The following ATRNL1 variants were observed in gnomAD, a reference collection of about 807,000 sequenced individuals.
ATRNL1 encodes attractin like 1, also known as attractin-like protein 1.
Under a neutral mutation model 182.7 loss-of-function variants are expected in ATRNL1, and 95 were observed. The observed-to-expected ratio is 0.52, with a 90% CI of 0.44 to 0.62. The LOEUF (loss-of-function observed/expected upper bound fraction) is 0.62. ATRNL1 is among the 20% of genes least tolerant of loss of function. The pLI, the probability that ATRNL1 is intolerant of heterozygous loss-of-function variation, is 0.00. For missense variants in ATRNL1, 1,471 were observed against 1,679.5 expected, an observed-to-expected ratio of 0.88 and a Z score of 2.17; for synonymous variants, 576 against 568.3, an observed-to-expected ratio of 1.01 and a Z score of -0.19.
chr10:115,139,284 T>G (rs1554877438), intron 5 of ATRNL1, among the ~76,000 whole-genome samples: 2 of 152,210 alleles, frequency 1.3e-5, no homozygotes, highest in East Asian at 3.8e-4. Context: ...CAAAGTCACT[T>G]CTACATTTTC....
chr10:115,782,205 A>C (rs1158455743), intron 27 of ATRNL1, among the ~76,000 whole-genome samples: 1 of 152,190 alleles, frequency 6.6e-6, no homozygotes, highest in African/African-American at 2.4e-5. Context: ...AACATTCTTC[A>C]ATCTGAATCA....
At chr10:115,797,440 A>C (rs752845241) in intron 27 of ATRNL1, among the ~76,000 whole-genome samples, 4 of 152,108 alleles carry the variant, frequency 2.6e-5, no homozygotes, top group African/African-American at 4.8e-5. Context: ...CTGAAGGCTC[A>C]CCTGGGGCAG....
chr10:115,368,571 C>G (rs1340030816), intron 19 of ATRNL1, among the ~76,000 whole-genome samples: 2 of 151,942 alleles, frequency 1.3e-5, no homozygotes, highest in Non-Finnish European at 2.9e-5. Context: ...GCTACAGTCA[C>G]CATGGCTGTA....
intron 26 of ATRNL1, among the ~76,000 whole-genome samples, chr10:115,669,629 A>G (rs1182439670): frequency 6.6e-6 from 1 of 152,160 alleles, no homozygotes; most frequent in African/African-American, 2.4e-5. Flanking sequence ...CCAACAAAGC[A>G]TTGCTTTGTA....
chr10:115,348,783 C>A (rs1399434739), intron 19 of ATRNL1, among the ~76,000 whole-genome samples: 1 of 152,026 alleles, frequency 6.6e-6, no homozygotes, highest in African/African-American at 2.4e-5. Context: ...ATTGAAGAAT[C>A]TGGTCTTGGA....
chr10:115,547,901 A>C (rs1852759282), intron 25 of ATRNL1, among the ~76,000 whole-genome samples: 1 of 152,228 alleles, frequency 6.6e-6, no homozygotes, highest in Non-Finnish European at 1.5e-5. Context: ...CTATGTTAAA[A>C]AATCACTTGT....
rs568320481 is a variant in ATRNL1, at chr10:115,828,116, G to A, written c.3904-19761G>A. 1.1e-4 allele frequency among the ~76,000 whole-genome samples: 16 copies of A among 152,206 alleles called. No homozygotes were observed. In the South Asian group the frequency reaches 2.9e-3, roughly 28 times the overall value. Reference sequence around the variant, plus strand: ...GCGGATCACCTGAGGTCTGGAGTTCGATACCAGCCTGACCAACATGGAGAA... The same window carrying A: ...GCGGATCACCTGAGGTCTGGAGTTCAATACCAGCCTGACCAACATGGAGAA... On this transcript the variant is annotated intron_variant, in intron 27 of 28. Coordinates refer to ENST00000355044, the MANE Select transcript of ATRNL1 (RefSeq NM_207303.4).
chr10:115,614,399 G>C (rs1857325618), intron 26 of ATRNL1, among the ~76,000 whole-genome samples: 1 of 152,010 alleles, frequency 6.6e-6, no homozygotes, highest in South Asian at 2.1e-4. Flanking sequence ...ATGTGATTTT[G>C]ATTTTTGATT....
intron 26 of ATRNL1, among the ~76,000 whole-genome samples, chr10:115,644,399 C>T (rs575517915): frequency 2.0e-5 from 3 of 152,090 alleles, no homozygotes; most frequent in Non-Finnish European, 4.4e-5. Flanking sequence ...TTAGTTCTCA[C>T]GACAATATTG....
intron 19 of ATRNL1, among the ~76,000 whole-genome samples, chr10:115,341,705 T>C (rs1554938389): frequency 6.6e-6 from 1 of 152,150 alleles, no homozygotes. Flanking sequence ...TTGTTGGGTG[T>C]ATACATATGT....
In ATRNL1 at chr10:115,948,060, GGTCA is replaced by G. The variant is rs1179785568; in HGVS notation, c.*3282_*3285del. The G allele has an allele frequency of 1.3e-5, 2 of 152,090 alleles. No individual in the cohort carries two copies. The highest frequency in any genetic ancestry group is 4.2e-4 in the South Asian group (2 of 4,818). 9.4% of individuals were successfully genotyped at this position (152,090 alleles called of 1,614,324 possible). ...CATCCATCTTTTGGTCGTAGGTAAAGGTCAATCAGGTTTTTCAAAAAGACTCCCT... is the reference window on the plus strand; with the variant it reads ...CATCCATCTTTTGGTCGTAGGTAAAGATCAGGTTTTTCAAAAAGACTCCCT... On this transcript the variant is annotated 3_prime_UTR_variant, in exon 29 of 29. Transcript: ENST00000355044.
intron 26 of ATRNL1, among the ~76,000 whole-genome samples, chr10:115,713,701 CT>C (rs1384171107): frequency 2.8e-4 from 14 of 50,102 alleles, no homozygotes; most frequent in African/African-American, 4.6e-4. Context: ...ATCTATCTAT[CT>C]ATCATCTATC....
At chr10:115,630,794 T>A (rs1239455591) in intron 26 of ATRNL1, among the ~76,000 whole-genome samples, 2 of 146,034 alleles carry the variant, frequency 1.4e-5, no homozygotes, top group African/African-American at 5.0e-5. Flanking sequence ...GTATTGTACA[T>A]CTATATTTAA....
At chr10:115,399,614 G>C (rs1487879501) in intron 20 of ATRNL1, among the ~76,000 whole-genome samples, 24 of 151,738 alleles carry the variant, frequency 1.6e-4, no homozygotes, top group African/African-American at 5.6e-4. Flanking sequence ...TCAAAAACCA[G>C]CTCCTGGATG....
chr10:115,343,098 A>G (rs1344636672), intron 19 of ATRNL1, among the ~76,000 whole-genome samples: 1 of 151,946 alleles, frequency 6.6e-6, no homozygotes, highest in Admixed American at 6.6e-5. Flanking sequence ...GCCTTGATGT[A>G]GTCTTCTTTG....
chr10:115,756,431 C>T (rs1948592160), intron 27 of ATRNL1, among the ~76,000 whole-genome samples: 1 of 152,132 alleles, frequency 6.6e-6, no homozygotes, highest in South Asian at 2.1e-4. Context: ...ATCCACTAGT[C>T]ATTCAGGAGC....
At chr10:115,268,029 G>A (rs1302058623) in intron 12 of ATRNL1, among the ~76,000 whole-genome samples, 2 of 152,066 alleles carry the variant, frequency 1.3e-5, no homozygotes, top group African/African-American at 4.8e-5. Flanking sequence ...TAAAAGTTCT[G>A]GGATTGCAGG....
intron 27 of ATRNL1, among the ~76,000 whole-genome samples, chr10:115,819,667 C>T (rs1950247225): frequency 6.6e-6 from 1 of 152,062 alleles, no homozygotes; most frequent in African/African-American, 2.4e-5. Flanking sequence ...CTGTCCCTCT[C>T]AGTAGCACCC....
chr10:115,871,436 A>T (rs1951577630), intron 28 of ATRNL1, among the ~76,000 whole-genome samples: 1 of 147,672 alleles, frequency 6.8e-6, no homozygotes, highest in Non-Finnish European at 1.5e-5. Flanking sequence ...AGAATTTGAC[A>T]GTACCGGTCC....
Sources: allele counts gnomAD v4.1 joint callset (sites outside exome capture counted in the v4.1 genomes callset), GRCh38; gene constraint gnomAD v4.1.1; transcripts MANE v1.5; gene names NCBI Gene and HGNC (gene_info 2026-07-23, HGNC 2026-07-21).